Variants in ALPK1 observed in about 807,000 individuals in gnomAD.
The protein encoded by ALPK1 is alpha-protein kinase 1.
ALPK1 carries 110 observed loss-of-function variants against 120.6 expected under a neutral mutation model. That is an observed-to-expected ratio of 0.91 (90% CI 0.78 to 1.07). ALPK1 has a LOEUF of 1.07. ALPK1 is among the 50% of genes least tolerant of loss of function. The pLI is 0.00. For synonymous variants in ALPK1, 582 were observed against 560.3 expected (o/e 1.04, Z -0.55); for missense variants, 1,498 against 1,483.9 (o/e 1.01, Z -0.16).
Position 112,411,924 on chromosome 4 carries a change from G to T in ALPK1, c.374G>T (p.Gly125Val), listed in dbSNP as rs942090186. 1.9e-6 allele frequency: 3 copies of T among 1,614,038 alleles called. No individual in the cohort carries two copies. The highest frequency in any genetic ancestry group is 2.5e-6 in the Non-Finnish European group (3 of 1,180,046). Residue 125 changes from glycine (G) to valine (V), a missense_variant, in exon 5 of 16, where the codon GGA becomes GTA. Physicochemically the swap from Gly to Val is moderately radical, Grantham distance 109. Transcript: ENST00000650871. ...TTCCTGTATGGGCTCGACGTCTCTG[G>T]AAAACTTCTGCAGGTCGCCAAAGGT... ...DRFLYGLDVS[G>V]KLLQVAKGLH...
At chr4:112,382,251 T>C in intron 3 of ALPK1, 147 bp from the exon 4 acceptor site, 1 of 1,020,884 alleles carries the variant, frequency 9.8e-7, no homozygotes, top group Non-Finnish European at 1.4e-6. Context: ...AACCAACAGC[T>C]TAGACCAGCC....
At chr4:112,390,593 T>A (rs1732368645) in intron 4 of ALPK1, among the ~76,000 whole-genome samples, 1 of 152,104 alleles carries the variant, frequency 6.6e-6, no homozygotes, top group Non-Finnish European at 1.5e-5. Context: ...CTTGGATGGA[T>A]GGATGATGGA....
chr4:112,364,686 A>C (rs1028345820), intron 2 of ALPK1, among the ~76,000 whole-genome samples: 3 of 152,226 alleles, frequency 2.0e-5, no homozygotes, highest in African/African-American at 7.2e-5. Context: ...GAAAGAGGGA[A>C]TCTTCCCTAA....
intron 6 of ALPK1, 168 bp from the exon 7 acceptor site, chr4:112,425,497 G>C: frequency 1.9e-6 from 1 of 521,058 alleles, no homozygotes; most frequent in Non-Finnish European, 3.5e-6. Flanking sequence ...GTCAGTTCCT[G>C]CAGAGCCTTA....
At chr4:112,331,981 A>C (rs1378361691) in intron 2 of ALPK1, among the ~76,000 whole-genome samples, 1 of 152,138 alleles carries the variant, frequency 6.6e-6, no homozygotes, top group Non-Finnish European at 1.5e-5. Context: ...CCACTAAGTG[A>C]GGTTTCTCAA....
intron 1 of ALPK1, among the ~76,000 whole-genome samples, chr4:112,313,321 A>G (rs1458235342): frequency 6.6e-6 from 1 of 152,240 alleles, no homozygotes. Context: ...AGGAGTGATC[A>G]GTAATACAGG....
At chr4:112,410,968 T>G (rs1050990655) in intron 4 of ALPK1, 1 of 154,776 alleles carries the variant, frequency 6.5e-6, no homozygotes, top group Admixed American at 6.5e-5. Context: ...CAGATGATGA[T>G]GATTGAAAGA....
At chr4:112,357,271 G>C (rs1460607035) in intron 2 of ALPK1, 1 of 1,274,188 alleles carries the variant, frequency 7.8e-7, no homozygotes, top group Non-Finnish European at 1.1e-6. Context: ...GACGTGCTGG[G>C]GTGTTCGCCA....
chr4:112,391,527 A>G (rs1473392697), intron 4 of ALPK1, among the ~76,000 whole-genome samples: 1 of 152,094 alleles, frequency 6.6e-6, no homozygotes, highest in Non-Finnish European at 1.5e-5. Flanking sequence ...TGTAGATGGA[A>G]TTAATTAAGT....
At chr4:112,303,969 A>G (rs1727906128) in intron 1 of ALPK1, among the ~76,000 whole-genome samples, 1 of 151,812 alleles carries the variant, frequency 6.6e-6, no homozygotes, top group Non-Finnish European at 1.5e-5. Flanking sequence ...CTCATTGTTC[A>G]GTTCCCACCT....
chr4:112,336,191 G>A (rs545399928), intron 2 of ALPK1, among the ~76,000 whole-genome samples: 163 of 152,240 alleles, frequency 1.1e-3, no homozygotes, highest in Non-Finnish European at 1.5e-3. Flanking sequence ...CAAAGTGTAG[G>A]TTTTCACTTG....
rs557134775 is a variant in ALPK1, at chr4:112,371,467, C to T, written c.-100-6211C>T. On this transcript the variant is annotated intron_variant, in intron 2 of 15. Transcript: ENST00000650871. ...TCAGCCAACCTCTCTGTCTTTCATT[C>T]CCTCTCTAGTTCCTTCTACATAACA... 6.6e-5 allele frequency among the ~76,000 whole-genome samples: 10 copies of T among 152,320 alleles called. No homozygotes were observed. In the East Asian group the frequency reaches 1.9e-3, roughly 29 times the overall value.
At chr4:112,398,633 G>A (rs755747641) in intron 4 of ALPK1, among the ~76,000 whole-genome samples, 10 of 152,202 alleles carry the variant, frequency 6.6e-5, no homozygotes, top group Admixed American at 1.3e-4. Context: ...ATGAGAAGCC[G>A]TGTTAAAGTC....
At chr4:112,318,366 T>C (rs989945708) in intron 2 of ALPK1, among the ~76,000 whole-genome samples, 3 of 152,198 alleles carry the variant, frequency 2.0e-5, no homozygotes, top group Admixed American at 1.3e-4. Context: ...TTAACTCCAT[T>C]TAAAGATGAA....
At chr4:112,331,309 C>T (rs1234664060) in intron 2 of ALPK1, among the ~76,000 whole-genome samples, 1 of 152,142 alleles carries the variant, frequency 6.6e-6, no homozygotes, top group Non-Finnish European at 1.5e-5. Context: ...CTTTGGTGGA[C>T]ATTTACATGG....
chr4:112,421,013 A>G (rs1240337511), intron 5 of ALPK1, among the ~76,000 whole-genome samples: 1 of 152,100 alleles, frequency 6.6e-6, no homozygotes, highest in Non-Finnish European at 1.5e-5. Context: ...TTGTATTTTT[A>G]GTAGAGACGG....
intron 2 of ALPK1, among the ~76,000 whole-genome samples, chr4:112,363,956 C>T (rs6533611): frequency 0.86 from 130,290 of 152,232 alleles, 55,832 homozygotes; most frequent in Middle Eastern, 0.9. Context: ...TGCTCCTGAT[C>T]GATTGTTGGG....
chr4:112,327,049 T>C (rs907863176), intron 2 of ALPK1, among the ~76,000 whole-genome samples: 1 of 152,234 alleles, frequency 6.6e-6, no homozygotes, highest in South Asian at 2.1e-4. Context: ...AGACGGCCCC[T>C]GCCCAGGAGA....
At chr4:112,388,175 C>G (rs1732236955) in intron 4 of ALPK1, among the ~76,000 whole-genome samples, 1 of 152,012 alleles carries the variant, frequency 6.6e-6, no homozygotes, top group South Asian at 2.1e-4. Flanking sequence ...TATCTTGGTG[C>G]CTTTGACTTG....
Sources: gnomAD v4.1 joint callset for allele counts (sites outside exome capture counted in the v4.1 genomes callset) on GRCh38, gnomAD v4.1.1 for gene constraint, MANE v1.5 for transcripts, NCBI Gene and HGNC (gene_info 2026-07-23, HGNC 2026-07-21) for gene names.